Variants in SLC29A1 observed in about 807,000 individuals in gnomAD.
SLC29A1 encodes equilibrative nucleoside transporter 1.
Under a neutral mutation model 48.3 loss-of-function variants are expected in SLC29A1, and 22 were observed. The observed-to-expected ratio is 0.46, with a 90% CI of 0.33 to 0.65. The LOEUF (loss-of-function observed/expected upper bound fraction) is 0.65, where lower values mean the gene tolerates loss of function less well. Ranked by LOEUF, SLC29A1 falls within the 30% of genes least tolerant of loss-of-function variation. SLC29A1 has a pLI of 0.03. For synonymous variants in SLC29A1, 228 were observed against 231.0 expected (o/e 0.99, Z 0.12); for missense variants, 491 against 575.3 (o/e 0.85, Z 1.50).
Position 44,232,484 on chromosome 6 carries a change from C to G in SLC29A1, c.1059+56C>G. ...GTGGGAAGTAAGAGTCCAGCCTGGACCCAGAGAGGGAACCCAAGAAAGTAT... is the reference window on the plus strand; with the variant it reads ...GTGGGAAGTAAGAGTCCAGCCTGGAGCCAGAGAGGGAACCCAAGAAAGTAT... On this transcript the variant is annotated intron_variant, in intron 11 of 12. Transcript: ENST00000371755. This position sits in a 1 kb window ranked among gnomAD's most constrained non-coding sequence, Gnocchi z 4.7. 8.5e-7 allele frequency: 1 copy of G among 1,178,010 alleles called. No homozygotes were observed. The highest frequency in any genetic ancestry group is 1.2e-6 in the Non-Finnish European group (1 of 801,268). The allele number at this position is 1,178,010 out of a possible 1,614,324, so 73.0% of individuals were successfully genotyped here.
chr6:44,219,681 TG>T (rs1219501085), upstream of SLC29A1: 2 of 1,286,202 alleles, frequency 1.6e-6, no homozygotes, highest in Non-Finnish European at 2.0e-6. Flanking sequence ...GCTGTGGCTA[TG>T]GCCCCAGCCC....
upstream of SLC29A1, among the ~76,000 whole-genome samples, chr6:44,222,929 G>C (rs114426492): frequency 2.6e-4 from 40 of 152,354 alleles, no homozygotes; most frequent in African/African-American, 9.6e-4. Flanking sequence ...GCGCGCACAC[G>C]CAAGCACAGG....
chr6:44,221,849 C>G (rs970424052), upstream of SLC29A1, among the ~76,000 whole-genome samples: 1 of 152,200 alleles, frequency 6.6e-6, no homozygotes, highest in African/African-American at 2.4e-5. The surrounding 1 kb of genome is among the most constrained non-coding windows in gnomAD (Gnocchi z 4.2). Context: ...TGCCATCCAC[C>G]GAGCTGGCAG....
In SLC29A1 at chr6:44,232,588, A is replaced by G; in HGVS notation, c.1059+160A>G. ...AGTACAAGTCTTAAGTGTACAACTT[A>G]ATGAATATATGTATATACACATACC... On this transcript the variant is annotated intron_variant, in intron 11 of 12. Coordinates refer to ENST00000371755, the MANE Select transcript of SLC29A1 (RefSeq NM_001372327.1). This position sits in a 1 kb window ranked among gnomAD's most constrained non-coding sequence, Gnocchi z 4.7. 1.6e-6 allele frequency: 1 copy of G among 644,390 alleles called. No individual in the cohort carries two copies. The highest frequency in any genetic ancestry group is 1.9e-5 in the South Asian group (1 of 53,406). 39.9% of individuals were successfully genotyped at this position (644,390 alleles called of 1,614,324 possible). A position where few individuals can be genotyped will look rare whatever the true frequency, so the allele number is the denominator to read the frequency against.
At chr6:44,223,577 G>A (rs1451024801), upstream of SLC29A1, 2 of 1,211,572 alleles carry the variant, frequency 1.7e-6, no homozygotes, top group Admixed American at 5.9e-5. This position sits in a 1 kb window ranked among gnomAD's most constrained non-coding sequence, Gnocchi z 5.0. Flanking sequence ...ATGTGCCCCG[G>A]CGGGAGAGGG....
At chr6:44,224,049 CTCGCGAGCGGAGGTGCG>C in intron 1 of SLC29A1, 1 of 62,374 alleles carries the variant, frequency 1.6e-5, no homozygotes, top group East Asian at 5.3e-4. Context: ...GAGGTGCAGG[CTCGCGAGCGGAGGTGCG>C]GGGCTGTCTC....
At chr6:44,227,031 G>C (rs1041818429) in intron 1 of SLC29A1, 10 of 1,295,418 alleles carry the variant, frequency 7.7e-6, no homozygotes, top group South Asian at 2.0e-5. Flanking sequence ...CGGCCAGGCC[G>C]GGAGCCAGGT....
chr6:44,231,924 T>C (rs775865898), intron 9 of SLC29A1, 74 bp from the exon 10 acceptor site: 51 of 1,144,870 alleles, frequency 4.5e-5, no homozygotes, highest in Non-Finnish European at 6.3e-5. Context: ...ACGCCTGGCC[T>C]GGATTCGTGG....
At position 44,229,572 on chromosome 6, in the gene SLC29A1, C is replaced by G; in HGVS notation, c.112-17C>G. The G allele has an allele frequency of 6.2e-7, 1 of 1,613,650 alleles. No individual in the cohort carries two copies. Among genetic ancestry groups the G allele is most frequent in the Non-Finnish European group, 8.5e-7 (1 of 1,179,608 alleles). ...CAGGGAAAGAGATTTCAACACTCCT[C>G]TCTGCAACCCCTGCAGTATTTCACA... On this transcript the variant is annotated splice_polypyrimidine_tract_variant and intron_variant, in intron 3 of 12. Transcript: ENST00000371755. This position sits in a 1 kb window ranked among gnomAD's most constrained non-coding sequence, Gnocchi z 5.1.
At chr6:44,226,720 A>G (rs1777609250) in intron 1 of SLC29A1, 2 of 991,174 alleles carry the variant, frequency 2.0e-6, no homozygotes, top group Non-Finnish European at 2.4e-6. Flanking sequence ...ACTTGCAGAG[A>G]GGGGCCTGGG....
At chr6:44,231,749 C>G (rs902336570) in intron 9 of SLC29A1, among the ~76,000 whole-genome samples, 1 of 152,202 alleles carries the variant, frequency 6.6e-6, no homozygotes, top group Non-Finnish European at 1.5e-5. Flanking sequence ...CTGCCTCAGC[C>G]TCCCAAGTAG....
At chr6:44,226,695 G>C in intron 1 of SLC29A1, 5 of 973,768 alleles carry the variant, frequency 5.1e-6, no homozygotes, top group Non-Finnish European at 4.9e-6. Context: ...TCCCCAGGGA[G>C]GGTGGAGAGA....
At position 44,223,619 on chromosome 6, in the gene SLC29A1, C is replaced by A. The variant is rs1181983753; in HGVS notation, c.-74C>A. On this transcript the variant is annotated 5_prime_UTR_variant, in exon 1 of 13. Transcript: ENST00000371755. This position sits in a 1 kb window ranked among gnomAD's most constrained non-coding sequence, Gnocchi z 5.0. ...CAGCGAGAGCGCGCGGATCTCAGCG[C>A]GGGAGCAGTGCTTCTGCGGCAGGTG... 8 of 1,213,046 alleles carry A rather than the reference C, an allele frequency of 6.6e-6. No homozygotes were observed. The African/African-American group carries it at 9.8e-5, about 15-fold the overall frequency. The allele number at this position is 1,213,046 out of a possible 1,614,324, so 75.1% of individuals were successfully genotyped here. A position where few individuals can be genotyped will look rare whatever the true frequency, so the allele number is the denominator to read the frequency against.
chr6:44,219,853 G>A, upstream of SLC29A1: 1 of 1,071,882 alleles, frequency 9.3e-7, no homozygotes, highest in Non-Finnish European at 1.2e-6. Context: ...CCGTTCTCAC[G>A]CTGCCGGGCG....
chr6:44,232,462 G>A lies in SLC29A1; in HGVS notation c.1059+34G>A, dbSNP rs1582962925. 3 of 1,417,028 alleles carry A rather than the reference G, an allele frequency of 2.1e-6. No homozygotes were observed. The highest frequency in any genetic ancestry group is 3.0e-6 in the Non-Finnish European group (3 of 1,004,934). 87.8% of individuals were successfully genotyped at this position (1,417,028 alleles called of 1,614,324 possible). ...AGGAAGAGGGCCCCAGGCCCCTGTG[G>A]GAAGTAAGAGTCCAGCCTGGACCCA... On this transcript the variant is annotated intron_variant, in intron 11 of 12. Transcript: ENST00000371755. This position sits in a 1 kb window ranked among gnomAD's most constrained non-coding sequence, Gnocchi z 4.7.
rs1316773350 is a variant in SLC29A1 at position 44,232,081 on chromosome 6, C to T, written c.948C>T (p.Ser316=). Residue 316 remains serine (S), a synonymous_variant, in exon 10 of 13, where the codon TCC becomes TCT. Coordinates refer to ENST00000371755, the MANE Select transcript of SLC29A1 (RefSeq NM_001372327.1). The surrounding 1 kb of genome is among the most constrained non-coding windows in gnomAD (Gnocchi z 4.7). ...CAGCCGTGACTGTTGAGGTCAAGTC[C>T]AGCATCGCAGGCAGCAGCACCTGGG... ...MFPAVTVEVK[S]SIAGSSTWER... 1 of 1,613,814 alleles carries T rather than the reference C, an allele frequency of 6.2e-7. No individual in the cohort carries two copies. The highest frequency in any genetic ancestry group is 2.2e-5 in the East Asian group (1 of 44,884).
chr6:44,229,977 C>T lies in SLC29A1; in HGVS notation c.385C>T (p.Leu129=). ...GCTGGTGTTTCTGATCACTGCCATC[C>T]TGGTGAAGGTGCAGCTGGATGCTCT... The part of the protein sequence containing the change: ...ILLVFLITAI[L]VKVQLDALPF... The change falls in exon 5 of 13, where the codon CTG becomes TTG. Residue 129 remains leucine (L), a synonymous_variant. Transcript: ENST00000371755. The surrounding 1 kb of genome is among the most constrained non-coding windows in gnomAD (Gnocchi z 5.1). 1 of 1,612,992 alleles carries T rather than the reference C, an allele frequency of 6.2e-7. No individual in the cohort carries two copies. Among genetic ancestry groups the T allele is most frequent in the Non-Finnish European group, 8.5e-7 (1 of 1,179,982 alleles).
chr6:44,220,431 A>T (rs1158517011), upstream of SLC29A1, among the ~76,000 whole-genome samples: 3 of 145,366 alleles, frequency 2.1e-5, no homozygotes, highest in African/African-American at 7.7e-5. Flanking sequence ...TGATTCTTCT[A>T]CCTTGGCCTC....
chr6:44,229,586 C>T lies in SLC29A1; in HGVS notation c.112-3C>T. On this transcript the variant is annotated splice_polypyrimidine_tract_variant and splice_region_variant and intron_variant, in intron 3 of 12. Coordinates refer to ENST00000371755, the MANE Select transcript of SLC29A1 (RefSeq NM_001372327.1). The surrounding 1 kb of genome is among the most constrained non-coding windows in gnomAD (Gnocchi z 5.1). ...TCAACACTCCTCTCTGCAACCCCTGCAGTATTTCACAAACCGCCTGGACAT... is the reference window on the plus strand; with the variant it reads ...TCAACACTCCTCTCTGCAACCCCTGTAGTATTTCACAAACCGCCTGGACAT... 1 of 1,614,024 alleles carries T rather than the reference C, an allele frequency of 6.2e-7. No individual in the cohort carries two copies. Among genetic ancestry groups the T allele is most frequent in the Non-Finnish European group, 8.5e-7 (1 of 1,179,904 alleles).
Sources: allele counts gnomAD v4.1 joint callset (sites outside exome capture counted in the v4.1 genomes callset), GRCh38; gene constraint gnomAD v4.1.1; non-coding constraint Gnocchi (gnomAD v3.1); transcripts MANE v1.5; gene names NCBI Gene and HGNC (gene_info 2026-07-23, HGNC 2026-07-21).